VEZT: variants seen among roughly 807,000 people sequenced by gnomAD.
VEZT encodes the protein vezatin, adherens junctions transmembrane protein, also known as vezatin.
Under a neutral mutation model 79.9 loss-of-function variants are expected in VEZT, and 39 were observed. The observed-to-expected ratio is 0.49, with a 90% CI of 0.38 to 0.64. The LOEUF is 0.64. VEZT is among the 30% of genes least tolerant of loss of function. The pLI, the probability that VEZT is intolerant of heterozygous loss-of-function variation, is 0.00. For missense variants in VEZT, 837 were observed against 893.1 expected, an observed-to-expected ratio of 0.94 and a Z score of 0.80; for synonymous variants, 325 against 327.6, an observed-to-expected ratio of 0.99 and a Z score of 0.09.
intron 2 of VEZT, among the ~76,000 whole-genome samples, chr12:95,254,809 A>C (rs1455460631): frequency 6.6e-6 from 1 of 152,202 alleles, no homozygotes; most frequent in Non-Finnish European, 1.5e-5. Context: ...TCTTAATGAA[A>C]CCATCCTTAG....
In VEZT at chr12:95,300,739, G is replaced by A. The variant is rs1417611946; in HGVS notation, c.*66G>A. On this transcript the variant is annotated 3_prime_UTR_variant, in exon 12 of 12. Coordinates refer to ENST00000436874, the MANE Select transcript of VEZT (RefSeq NM_017599.4). ...TACAAAAGTGTTTAGCTTCAAGACT[G>A]GAAAGGGAATATGAGTGTAAGTTTA... The A allele has an allele frequency of 6.8e-7, 1 of 1,466,100 alleles. No homozygotes were observed. Among genetic ancestry groups the A allele is most frequent in the African/African-American group, 1.4e-5 (1 of 71,004 alleles). 90.8% of individuals were successfully genotyped at this position (1,466,100 alleles called of 1,614,324 possible).
In VEZT at chr12:95,246,145, C is replaced by T. The variant is rs920677466; in HGVS notation, c.37-5795C>T. ...TTTCTTTTTCTTTTTTTTTTTGAGA[C>T]GGAGTCTCGCTCTGTTGCCCAGGCT... is the stretch of plus-strand genomic sequence containing the variant. On this transcript the variant is annotated intron_variant, in intron 1 of 11. Transcript: ENST00000436874. 2.7e-5 allele frequency among the ~76,000 whole-genome samples: 4 copies of T among 150,556 alleles called. No individual in the cohort carries two copies. The East Asian group carries it at 7.8e-4, about 29-fold the overall frequency.
intron 11 of VEZT, chr12:95,299,946 C>T: frequency 3.0e-6 from 1 of 333,574 alleles, no homozygotes; most frequent in Admixed American, 4.7e-5. Flanking sequence ...TCATAAAAAC[C>T]TTCATCAAAT....
In VEZT at chr12:95,300,423, A is replaced by C; in HGVS notation, c.2090A>C (p.Glu697Ala). The change falls in exon 12 of 12, where the codon GAA becomes GCA. Residue 697 changes from glutamate (E) to alanine (A), a missense_variant. Coordinates refer to ENST00000436874, the MANE Select transcript of VEZT (RefSeq NM_017599.4). ...EERMCYQCES[E>A]DEPQADGSGL... ...AGAATGTGTTACCAATGTGAGAGTG[A>C]AGATGAACCACAAGCAGATGGAAGT... 6.2e-7 allele frequency: 1 copy of C among 1,614,016 alleles called. No homozygotes were observed. The highest frequency in any genetic ancestry group is 8.5e-7 in the Non-Finnish European group (1 of 1,179,892).
intron 1 of VEZT, among the ~76,000 whole-genome samples, chr12:95,239,094 A>T (rs1304824205): frequency 1.3e-5 from 2 of 152,238 alleles, no homozygotes; most frequent in African/African-American, 4.8e-5. Context: ...GGAAGGATTC[A>T]TGAGCTAAAT....
intron 1 of VEZT, among the ~76,000 whole-genome samples, chr12:95,243,206 A>G (rs2061273746): frequency 6.6e-6 from 1 of 151,634 alleles, no homozygotes; most frequent in African/African-American, 2.4e-5. Context: ...AAACCCCATC[A>G]CTACCAAAAA....
At chr12:95,285,615 C>G (rs1021703195) in intron 8 of VEZT, among the ~76,000 whole-genome samples, 1 of 152,032 alleles carries the variant, frequency 6.6e-6, no homozygotes, top group African/African-American at 2.4e-5. Context: ...ATAACACTGT[C>G]TCTCTGTGGT....
intron 1 of VEZT, among the ~76,000 whole-genome samples, chr12:95,226,318 T>C (rs1011597874): frequency 4.0e-5 from 6 of 151,828 alleles, no homozygotes; most frequent in African/African-American, 1.5e-4. Flanking sequence ...GATTATAGAA[T>C]AGAGATTGAA....
At chr12:95,219,385 G>T (rs2057221914) in intron 1 of VEZT, among the ~76,000 whole-genome samples, 1 of 152,126 alleles carries the variant, frequency 6.6e-6, no homozygotes, top group Admixed American at 6.5e-5. Context: ...TTATTTCTAT[G>T]TAAATGTGTG....
At position 95,266,631 on chromosome 12, in the gene VEZT, CTG is replaced by C; in HGVS notation, c.710+2_710+3del. 6.3e-7 allele frequency: 1 copy of C among 1,585,614 alleles called. No individual in the cohort carries two copies. The highest frequency in any genetic ancestry group is 8.6e-7 in the Non-Finnish European group (1 of 1,168,076). ...CGAAGTGATTTCCAGAGGATTTACACTGTGAGTTCATTTTTTATTTTATTTCT... is the reference window on the plus strand; with the variant it reads ...CGAAGTGATTTCCAGAGGATTTACACTGAGTTCATTTTTTATTTTATTTCT... On this transcript the variant is annotated splice_donor_variant and coding_sequence_variant, in exon 5 of 12. Coordinates refer to ENST00000436874, the MANE Select transcript of VEZT (RefSeq NM_017599.4). LOFTEE classifies it high-confidence loss of function.
At chr12:95,298,302 A>G (rs1050495507) in intron 11 of VEZT, among the ~76,000 whole-genome samples, 8 of 152,102 alleles carry the variant, frequency 5.3e-5, no homozygotes, top group African/African-American at 1.9e-4. Flanking sequence ...GAACATTGTG[A>G]TAAAATATAA....
chr12:95,219,937 A>T (rs1404230642), intron 1 of VEZT, among the ~76,000 whole-genome samples: 1 of 152,144 alleles, frequency 6.6e-6, no homozygotes, highest in Non-Finnish European at 1.5e-5. Context: ...TCATTTTCTT[A>T]TTAGATGCTA....
At chr12:95,243,802 C>A (rs1873053) in intron 1 of VEZT, 37,723 of 347,480 alleles carry the variant, frequency 0.11, 2,318 homozygotes, top group East Asian at 0.24. Context: ...AGTTCTTGCT[C>A]TCTCAAAACT....
intron 5 of VEZT, among the ~76,000 whole-genome samples, chr12:95,267,062 A>G (rs1421083057): frequency 6.6e-6 from 1 of 152,218 alleles, no homozygotes; most frequent in Non-Finnish European, 1.5e-5. Context: ...ATAACTGTTC[A>G]GGTAAATATT....
chr12:95,217,818 A>T lies in VEZT; in HGVS notation c.-33A>T. 1 of 1,551,268 alleles carries T rather than the reference A, an allele frequency of 6.4e-7. No homozygotes were observed. Among genetic ancestry groups the T allele is most frequent in the Non-Finnish European group, 8.7e-7 (1 of 1,153,808 alleles). On this transcript the variant is annotated 5_prime_UTR_variant, in exon 1 of 12. Transcript: ENST00000436874. ...GCCTGTACTCCCGCCTTCATTTCCC[A>T]TCGTGCTGAGGCGGGTGGCATGGCG...
chr12:95,217,827 A>T lies in VEZT; in HGVS notation c.-24A>T. On this transcript the variant is annotated 5_prime_UTR_variant, in exon 1 of 12. Coordinates refer to ENST00000436874, the MANE Select transcript of VEZT (RefSeq NM_017599.4). Reference sequence around the variant, plus strand: ...CCCGCCTTCATTTCCCATCGTGCTGAGGCGGGTGGCATGGCGGAGAAGGAT... The same window carrying T: ...CCCGCCTTCATTTCCCATCGTGCTGTGGCGGGTGGCATGGCGGAGAAGGAT... The T allele has an allele frequency of 6.5e-7, 1 of 1,547,256 alleles. No homozygotes were observed. The highest frequency in any genetic ancestry group is 2.7e-5 in the East Asian group (1 of 37,482).
At chr12:95,230,107 A>G (rs1215017812) in intron 1 of VEZT, among the ~76,000 whole-genome samples, 2 of 151,282 alleles carry the variant, frequency 1.3e-5, no homozygotes, top group East Asian at 3.9e-4. Flanking sequence ...TCCGTCTCAA[A>G]AAAAAAAAAA....
chr12:95,270,124 G>C lies in VEZT; in HGVS notation c.784G>C (p.Val262Leu), dbSNP rs1316345429. The change falls in exon 6 of 12, where the codon GTC becomes CTC. Residue 262 changes from valine to leucine, a missense_variant. Physicochemically the swap from Val to Leu is conservative, Grantham distance 32. Transcript: ENST00000436874. ...SQHLIGLRKA[V>L]YRTLRANFQA... The stretch of plus-strand genomic sequence containing the variant: ...GCATCTCATCGGTCTTCGGAAAGCT[G>C]TCTACCGAACTCTAAGAGCCAACTT... The C allele has an allele frequency of 5.6e-6, 9 of 1,611,784 alleles. No homozygotes were observed. The highest frequency in any genetic ancestry group is 7.6e-6 in the Non-Finnish European group (9 of 1,179,028).
At chr12:95,241,926 T>A (rs1273357894) in intron 1 of VEZT, among the ~76,000 whole-genome samples, 1 of 152,216 alleles carries the variant, frequency 6.6e-6, no homozygotes, top group East Asian at 1.9e-4. Flanking sequence ...ATCATGTTGC[T>A]AGAGGATACC....
Sources: gnomAD v4.1 joint callset for allele counts (sites outside exome capture counted in the v4.1 genomes callset) on GRCh38, gnomAD v4.1.1 for gene constraint, MANE v1.5 for transcripts, NCBI Gene and HGNC (gene_info 2026-07-23, HGNC 2026-07-21) for gene names.